Variants in IL1RAPL1 observed in about 807,000 individuals in gnomAD.
The protein encoded by IL1RAPL1 is interleukin 1 receptor accessory protein like 1.
Under a neutral mutation model 48.4 loss-of-function variants are expected in IL1RAPL1, and 3 were observed. The ratio of observed to expected loss-of-function variants is 0.06; its 90% confidence interval spans 0.03 to 0.16. IL1RAPL1 has a LOEUF of 0.16. Ranked by LOEUF, IL1RAPL1 falls within the 10% of genes least tolerant of loss-of-function variation. The probability of loss-of-function intolerance (pLI) is 1.00; values close to 1 mark genes in which losing one functional copy is unlikely to be tolerated. For missense variants in IL1RAPL1, 349 were observed against 530.6 expected (o/e 0.66, Z 3.36); for synonymous variants, 185 against 187.7 (o/e 0.99, Z 0.12).
At chrX:29,718,576 G>T (rs1015200472) in intron 6 of IL1RAPL1, among the ~76,000 whole-genome samples, 2 of 95,458 alleles carry the variant, frequency 2.1e-5, no homozygotes, top group African/African-American at 8.1e-5. Context: ...TGCATGTTCC[G>T]CACATGTAAC....
intron 6 of IL1RAPL1, among the ~76,000 whole-genome samples, chrX:29,879,357 ATGTGTGTGTGTGTGTGTG>A (rs370851302): frequency 2.4e-5 from 2 of 83,981 alleles, no homozygotes; most frequent in Admixed American, 2.7e-4. Context: ...AGTTTTATAT[ATGTGTGTGTGTGTGTGTG>A]TGTGTGTGTG....
At chrX:28,941,813 G>A (rs945972994) in intron 2 of IL1RAPL1, among the ~76,000 whole-genome samples, 3 of 109,709 alleles carry the variant, frequency 2.7e-5, no homozygotes, top group African/African-American at 9.9e-5. Flanking sequence ...TTGTTTTAAG[G>A]GGAATACCAT....
intron 2 of IL1RAPL1, among the ~76,000 whole-genome samples, chrX:29,184,290 T>C (rs1219421507): frequency 9.0e-6 from 1 of 111,678 alleles, no homozygotes; most frequent in Non-Finnish European, 1.9e-5. Context: ...CAGAGAGTAG[T>C]AGGGTGCCTA....
intron 6 of IL1RAPL1, among the ~76,000 whole-genome samples, chrX:29,722,664 G>A (rs58642409): frequency 0.055 from 6,112 of 111,197 alleles, 332 homozygotes; most frequent in East Asian, 0.25. Context: ...TTCTTTTCGT[G>A]ATTATTACCT....
intron 3 of IL1RAPL1, chrX:29,369,357 C>T (rs935096004): frequency 1.8e-5 from 2 of 110,902 alleles, no homozygotes; most frequent in Non-Finnish European, 3.8e-5. Flanking sequence ...TGAAAAGGTG[C>T]CTGCATTCTA....
At chrX:29,294,311 G>A (rs752949277) in intron 3 of IL1RAPL1, among the ~76,000 whole-genome samples, 4 of 109,718 alleles carry the variant, frequency 3.6e-5, no homozygotes, top group African/African-American at 6.6e-5. Flanking sequence ...GGCAGATCAC[G>A]AGGTCGGGAG....
intron 2 of IL1RAPL1, among the ~76,000 whole-genome samples, chrX:29,188,320 AT>A (rs918923997): frequency 9.0e-6 from 1 of 111,537 alleles, no homozygotes; most frequent in Non-Finnish European, 1.9e-5. Flanking sequence ...CACCAATGTG[AT>A]TTTTTCCCCT....
At chrX:28,813,441 T>C (rs976050035) in intron 2 of IL1RAPL1, among the ~76,000 whole-genome samples, 1 of 111,436 alleles carries the variant, frequency 9.0e-6, no homozygotes, top group Non-Finnish European at 1.9e-5. Flanking sequence ...GGTTATGCTT[T>C]ATTGCCCAGA....
chrX:28,608,600 C>T (rs1326478249), intron 1 of IL1RAPL1, among the ~76,000 whole-genome samples: 1 of 111,860 alleles, frequency 8.9e-6, no homozygotes, highest in Non-Finnish European at 1.9e-5. Flanking sequence ...TGCAGCAATG[C>T]TACTATCAAA....
chrX:29,129,588 A>ATTTTTTTTTTT (rs754196116), intron 2 of IL1RAPL1, among the ~76,000 whole-genome samples: 6 of 59,868 alleles, frequency 1.0e-4, no homozygotes, highest in Non-Finnish European at 1.4e-4. Flanking sequence ...AATAATGTAA[A>ATTTTTTTTTTT]TTTTTTTTTT....
At chrX:29,895,925 G>A (rs1027664535) in intron 6 of IL1RAPL1, among the ~76,000 whole-genome samples, 2 of 111,759 alleles carry the variant, frequency 1.8e-5, no homozygotes, top group African/African-American at 3.3e-5. Context: ...TATAGTGTGA[G>A]TAGAGGATGA....
At chrX:28,776,416 A>G (rs1936363079) in intron 1 of IL1RAPL1, among the ~76,000 whole-genome samples, 1 of 112,094 alleles carries the variant, frequency 8.9e-6, no homozygotes, top group Admixed American at 9.5e-5. Context: ...CCTGCAATAA[A>G]GCAGGAACCT....
chrX:29,811,407 G>A (rs1182958961), intron 6 of IL1RAPL1, among the ~76,000 whole-genome samples: 1 of 109,933 alleles, frequency 9.1e-6, no homozygotes, highest in African/African-American at 3.3e-5. Flanking sequence ...GAAGGATGTG[G>A]GCTGGGAGAC....
intron 5 of IL1RAPL1, among the ~76,000 whole-genome samples, chrX:29,535,930 A>C (rs1470961506): frequency 8.9e-6 from 1 of 112,081 alleles, no homozygotes; most frequent in Non-Finnish European, 1.9e-5. Flanking sequence ...GTTTAAATGT[A>C]CTGCAGTCCT....
At chrX:29,191,624 C>CTT (rs1441934620) in intron 2 of IL1RAPL1, among the ~76,000 whole-genome samples, 2 of 111,473 alleles carry the variant, frequency 1.8e-5, no homozygotes, top group Non-Finnish European at 3.8e-5. Context: ...TTTTGGATTC[C>CTT]TTATGATTAG....
chrX:28,956,681 T>G (rs1375253465), intron 2 of IL1RAPL1, among the ~76,000 whole-genome samples: 1 of 107,423 alleles, frequency 9.3e-6, no homozygotes, highest in African/African-American at 3.4e-5. Context: ...TTATTGAGGA[T>G]TTTTGCATCA....
intron 6 of IL1RAPL1, among the ~76,000 whole-genome samples, chrX:29,890,814 C>A (rs906819676): frequency 1.6e-4 from 18 of 112,015 alleles, no homozygotes; most frequent in African/African-American, 5.5e-4. Flanking sequence ...CACACAGTTC[C>A]TGTGAGCTAT....
chrX:29,317,707 G>C (rs923036650), intron 3 of IL1RAPL1, among the ~76,000 whole-genome samples: 3 of 112,236 alleles, frequency 2.7e-5, no homozygotes, highest in African/African-American at 9.7e-5. Context: ...TGTCTTCTGG[G>C]AAGGTGGAGA....
At chrX:29,614,719 C>T (rs1924224612) in intron 5 of IL1RAPL1, among the ~76,000 whole-genome samples, 2 of 112,120 alleles carry the variant, frequency 1.8e-5, no homozygotes, top group South Asian at 7.4e-4. Flanking sequence ...ATCTGTTATT[C>T]TTCTGAGAAA....
Sources: gnomAD v4.1 joint callset for allele counts (sites outside exome capture counted in the v4.1 genomes callset) on GRCh38, gnomAD v4.1.1 for gene constraint, MANE v1.5 for transcripts, NCBI Gene and HGNC (gene_info 2026-07-23, HGNC 2026-07-21) for gene names.